Variants in RBFOX1 observed in about 807,000 individuals in gnomAD.
RBFOX1 encodes RNA binding protein fox-1 homolog 1.
RBFOX1 carries 8 observed loss-of-function variants against 57.7 expected under a neutral mutation model. The observed-to-expected ratio is 0.14, with a 90% CI of 0.08 to 0.25. The LOEUF (loss-of-function observed/expected upper bound fraction) is 0.25, where lower values mean the gene tolerates loss of function less well. RBFOX1 is among the 10% of genes least tolerant of loss of function. The pLI, the probability that RBFOX1 is intolerant of heterozygous loss-of-function variation, is 1.00. For synonymous variants in RBFOX1, 326 were observed against 222.4 expected, an observed-to-expected ratio of 1.47 and a Z score of -4.15; for missense variants, 611 against 548.5, an observed-to-expected ratio of 1.11 and a Z score of -1.14.
At chr16:5,579,670 T>G (rs1011791437) in intron 2 of RBFOX1, among the ~76,000 whole-genome samples, 1 of 152,158 alleles carries the variant, frequency 6.6e-6, no homozygotes, top group Admixed American at 6.5e-5. Flanking sequence ...CCCAACTGGG[T>G]ACACCAGGTA....
At chr16:7,193,832 A>G (rs1270783057) in intron 4 of RBFOX1, among the ~76,000 whole-genome samples, 1 of 152,232 alleles carries the variant, frequency 6.6e-6, no homozygotes, top group African/African-American at 2.4e-5. Context: ...ACGTAACTCA[A>G]AATGATCAGA....
chr16:7,099,543 A>C (rs771463742), intron 4 of RBFOX1, among the ~76,000 whole-genome samples: 1 of 152,140 alleles, frequency 6.6e-6, no homozygotes, highest in Non-Finnish European at 1.5e-5. Context: ...GTCTCAGTCA[A>C]CTTAGAAAGG....
chr16:7,015,129 T>C (rs2153662252), intron 3 of RBFOX1, among the ~76,000 whole-genome samples: 1 of 152,314 alleles, frequency 6.6e-6, no homozygotes, highest in South Asian at 2.1e-4. Flanking sequence ...AAGGGTCAGT[T>C]CATGTTCTCT....
intron 1 of RBFOX1, among the ~76,000 whole-genome samples, chr16:6,039,218 G>C (rs1302389108): frequency 6.6e-6 from 1 of 151,724 alleles, no homozygotes; most frequent in Admixed American, 6.6e-5. Flanking sequence ...AAGTCCTGGA[G>C]GTCTGAGCAG....
chr16:7,160,424 C>T (rs184344372), intron 4 of RBFOX1, among the ~76,000 whole-genome samples: 15 of 151,668 alleles, frequency 9.9e-5, no homozygotes, highest in African/African-American at 3.4e-4. Context: ...CTTTTCCTTC[C>T]TTCTTTCGTA....
intron 4 of RBFOX1, among the ~76,000 whole-genome samples, chr16:7,364,912 C>G (rs1228065899): frequency 6.6e-6 from 1 of 152,182 alleles, no homozygotes; most frequent in Non-Finnish European, 1.5e-5. Context: ...GTAATGGATA[C>G]TAGTGAATGT....
intron 4 of RBFOX1, among the ~76,000 whole-genome samples, chr16:7,506,577 CCTTCATCATCAT>C (rs1271367443): frequency 3.5e-5 from 5 of 144,836 alleles, no homozygotes; most frequent in African/African-American, 1.3e-4. Context: ...ATTACCATCA[CCTTCATCATCAT>C]CATCATCATC....
chr16:7,710,778 G>T lies in RBFOX1; in HGVS notation c.*33G>T. ...AACCATAAAAACCTTCCAATGTGGGGAGAAAGGAAGCTTTCCGAGGCCTGA... is the reference window on the plus strand; with the variant it reads ...AACCATAAAAACCTTCCAATGTGGGTAGAAAGGAAGCTTTCCGAGGCCTGA... On this transcript the variant is annotated 3_prime_UTR_variant, in exon 16 of 16. Coordinates refer to ENST00000550418, the MANE Select transcript of RBFOX1 (RefSeq NM_018723.4). 6.7e-7 allele frequency: 1 copy of T among 1,502,808 alleles called. No homozygotes were observed. Among genetic ancestry groups the T allele is most frequent in the Non-Finnish European group, 8.9e-7 (1 of 1,121,616 alleles). 93.1% of individuals were successfully genotyped at this position (1,502,808 alleles called of 1,614,324 possible).
chr16:6,556,768 G>A (rs986242265), intron 2 of RBFOX1, among the ~76,000 whole-genome samples: 1 of 151,982 alleles, frequency 6.6e-6, no homozygotes, highest in Non-Finnish European at 1.5e-5. Flanking sequence ...TAAATTAATA[G>A]TAAATTTCTT....
At chr16:7,489,051 G>C (rs917010321) in intron 4 of RBFOX1, among the ~76,000 whole-genome samples, 27 of 151,888 alleles carry the variant, frequency 1.8e-4, no homozygotes, top group African/African-American at 6.5e-4. Context: ...ATAAAATCTT[G>C]CTGTGAATCT....
At chr16:7,360,421 G>A (rs1403113343) in intron 4 of RBFOX1, among the ~76,000 whole-genome samples, 4 of 152,128 alleles carry the variant, frequency 2.6e-5, no homozygotes, top group African/African-American at 7.2e-5. Flanking sequence ...TGTATGATGT[G>A]GGTGTGCACG....
At chr16:6,992,017 C>T (rs2091550901) in intron 3 of RBFOX1, among the ~76,000 whole-genome samples, 1 of 151,924 alleles carries the variant, frequency 6.6e-6, no homozygotes, top group South Asian at 2.1e-4. Flanking sequence ...AAAACTACAC[C>T]TTGAAAACTA....
At chr16:5,778,931 A>C (rs2054237250) in intron 3 of RBFOX1, among the ~76,000 whole-genome samples, 1 of 152,194 alleles carries the variant, frequency 6.6e-6, no homozygotes, top group Non-Finnish European at 1.5e-5. Flanking sequence ...TGGCATATAA[A>C]GCACTCAATT....
At chr16:7,127,627 G>C (rs2068956056) in intron 4 of RBFOX1, among the ~76,000 whole-genome samples, 1 of 152,106 alleles carries the variant, frequency 6.6e-6, no homozygotes, top group South Asian at 2.1e-4. Flanking sequence ...AGAGTCGGGA[G>C]TAAGGGAGAT....
Position 7,061,020 on chromosome 16 carries a change from T to A in RBFOX1, c.27+8922T>A, listed in dbSNP as rs1160767217. 4.9e-5 allele frequency among the ~76,000 whole-genome samples: 4 copies of A among 81,044 alleles called. No individual in the cohort carries two copies. The East Asian group carries it at 2.7e-3, about 54-fold the overall frequency. 53.2% of individuals were successfully genotyped at this position (81,044 alleles called of 152,430 possible). ...GGTTGATGAGATTTCATGTATGTTC[T>A]CCTGTGTGTGTGTGTGTGTACGTGC... is the stretch of plus-strand genomic sequence containing the variant. On this transcript the variant is annotated intron_variant, in intron 4 of 15. Transcript: ENST00000550418.
chr16:7,385,684 G>A (rs2097863050), intron 4 of RBFOX1, among the ~76,000 whole-genome samples: 1 of 152,088 alleles, frequency 6.6e-6, no homozygotes, highest in African/African-American at 2.4e-5. Flanking sequence ...GATGCAACTG[G>A]CAGATGACAT....
chr16:7,269,097 C>T (rs567975143), intron 4 of RBFOX1, among the ~76,000 whole-genome samples: 1 of 149,032 alleles, frequency 6.7e-6, no homozygotes, highest in Admixed American at 6.7e-5. Context: ...CACATTAACC[C>T]TCACAGCCCA....
At position 6,214,746 on chromosome 16, in the gene RBFOX1, G is replaced by C. The variant is rs896033630; in HGVS notation, c.-126-102249G>C. 4.4e-5 allele frequency among the ~76,000 whole-genome samples: 5 copies of C among 113,298 alleles called. No individual in the cohort carries two copies. In the East Asian group the frequency reaches 9.8e-4, roughly 22 times the overall value. 74.3% of individuals were successfully genotyped at this position (113,298 alleles called of 152,430 possible). On this transcript the variant is annotated intron_variant, in intron 1 of 15. Coordinates refer to ENST00000550418, the MANE Select transcript of RBFOX1 (RefSeq NM_018723.4). ...GAGAGAGGGAGAAGGAGAGGGAGAA[G>C]GAGAAGGGGAGAGAGAAGGAGAGAG...
intron 2 of RBFOX1, among the ~76,000 whole-genome samples, chr16:5,517,545 C>A (rs2043837096): frequency 6.6e-6 from 1 of 152,164 alleles, no homozygotes; most frequent in South Asian, 2.1e-4. Flanking sequence ...AATTGTCCAA[C>A]CCTGGTCCAG....
Sources: gnomAD v4.1 joint callset for allele counts (sites outside exome capture counted in the v4.1 genomes callset) on GRCh38, gnomAD v4.1.1 for gene constraint, MANE v1.5 for transcripts, NCBI Gene and HGNC (gene_info 2026-07-23, HGNC 2026-07-21) for gene names.